Variants in METAP1D observed in about 807,000 individuals in gnomAD.
METAP1D encodes the protein methionyl aminopeptidase type 1D, mitochondrial.
A neutral mutation model predicts 40.5 loss-of-function variants in METAP1D; 31 were observed. The observed-to-expected ratio is 0.77, with a 90% CI of 0.58 to 1.03. The LOEUF is 1.03. Ranked by LOEUF, METAP1D falls within the 50% of genes least tolerant of loss-of-function variation. The pLI, the probability that METAP1D is intolerant of heterozygous loss-of-function variation, is 0.00. For synonymous variants in METAP1D, 151 were observed against 146.4 expected (o/e 1.03, Z -0.22); for missense variants, 411 against 420.7 (o/e 0.98, Z 0.20).
chr2:172,010,577 T>C (rs1688693867), intron 1 of METAP1D, among the ~76,000 whole-genome samples: 1 of 141,154 alleles, frequency 7.1e-6, no homozygotes, highest in African/African-American at 2.6e-5. Flanking sequence ...CACTACAACC[T>C]GTGCCTCCGG....
rs199707728 is a variant in METAP1D, at chr2:172,030,097, TA to T, written c.40+30089del. ...ATTTTATTTTATTTATTTATTTATT[TA>T]TTTTTTTTGAGGCAGAGTTTCACTC... On this transcript the variant is annotated intron_variant, in intron 1 of 9. Transcript: ENST00000315796. 4.6e-3 allele frequency among the ~76,000 whole-genome samples: 685 copies of T among 149,716 alleles called. 7 individuals carry two copies. Among genetic ancestry groups the T allele is most frequent in the Non-Finnish European group, 7.8e-3 (528 of 67,308 alleles).
At position 172,080,655 on chromosome 2, in the gene METAP1D, C is replaced by A; in HGVS notation, c.*249C>A. 1 of 595,086 alleles carries A rather than the reference C, an allele frequency of 1.7e-6. No individual in the cohort carries two copies. Among genetic ancestry groups the A allele is most frequent in the Admixed American group, 3.0e-5 (1 of 33,780 alleles). 36.9% of individuals were successfully genotyped at this position (595,086 alleles called of 1,614,324 possible). ...GGACTCGGTTTCCCAGCGCGGTCAACGCATCTGGAGGGGACTGGAGGAAAC... is the reference window on the plus strand; with the variant it reads ...GGACTCGGTTTCCCAGCGCGGTCAAAGCATCTGGAGGGGACTGGAGGAAAC... On this transcript the variant is annotated 3_prime_UTR_variant, in exon 10 of 10. Coordinates refer to ENST00000315796, the MANE Select transcript of METAP1D (RefSeq NM_199227.3).
At chr2:172,067,906 T>C (rs1380129190) in intron 5 of METAP1D, among the ~76,000 whole-genome samples, 1 of 152,238 alleles carries the variant, frequency 6.6e-6, no homozygotes, top group African/African-American at 2.4e-5. Context: ...AATATTTTAT[T>C]AAGTGAAGGA....
chr2:172,035,157 TG>T lies in METAP1D; in HGVS notation c.41-26340del, dbSNP rs1174211984. Among the ~76,000 whole-genome samples, 282 of 135,856 alleles carry T rather than the reference TG, an allele frequency of 2.1e-3. 2 individuals are homozygous for T. In the East Asian group the frequency reaches 0.056, roughly 27 times the overall value. The allele number at this position is 135,856 out of a possible 152,430, so 89.1% of individuals were successfully genotyped here. A position where few individuals can be genotyped will look rare whatever the true frequency, so the allele number is the denominator to read the frequency against. The stretch of plus-strand genomic sequence containing the variant: ...TAACTACTGTACTGTGTTTTTTTTT[TG>T]TTTGTTTGTTTGTTTGTTTGTTTTG... On this transcript the variant is annotated intron_variant, in intron 1 of 9. Coordinates refer to ENST00000315796, the MANE Select transcript of METAP1D (RefSeq NM_199227.3).
chr2:172,045,529 C>T (rs1322143994), intron 1 of METAP1D, among the ~76,000 whole-genome samples: 3 of 148,426 alleles, frequency 2.0e-5, no homozygotes, highest in East Asian at 2.0e-4. Context: ...GGCGTGGTGG[C>T]GCACGCCTCT....
At chr2:172,030,390 C>T (rs555485483) in intron 1 of METAP1D, among the ~76,000 whole-genome samples, 87 of 152,210 alleles carry the variant, frequency 5.7e-4, no homozygotes, top group Middle Eastern at 3.4e-3. Flanking sequence ...CCACACCTGG[C>T]GTAAGCCTAC....
chr2:172,079,057 G>A, intron 7 of METAP1D, among the ~76,000 whole-genome samples, 158 bp from the exon 8 acceptor site: 1 of 152,100 alleles, frequency 6.6e-6, no homozygotes, highest in Non-Finnish European at 1.5e-5. Flanking sequence ...TTAACTCCTG[G>A]TCACTATCCA....
chr2:172,034,656 T>C (rs985380944), intron 1 of METAP1D, among the ~76,000 whole-genome samples: 12 of 152,216 alleles, frequency 7.9e-5, no homozygotes, highest in African/African-American at 2.9e-4. Flanking sequence ...AGTATGGCTG[T>C]CTACATAGAT....
At chr2:172,068,755 C>T (rs545865332) in intron 5 of METAP1D, among the ~76,000 whole-genome samples, 3 of 152,034 alleles carry the variant, frequency 2.0e-5, no homozygotes, top group African/African-American at 2.4e-5. Context: ...TCAAGTGATC[C>T]GCCCACCTCC....
At chr2:172,018,214 AG>A (rs1384115989) in intron 1 of METAP1D, among the ~76,000 whole-genome samples, 1 of 152,088 alleles carries the variant, frequency 6.6e-6, no homozygotes, top group Non-Finnish European at 1.5e-5. Context: ...TTTCTGGCCA[AG>A]ATGCAACAAA....
chr2:172,058,650 G>T (rs1391936924), intron 1 of METAP1D, among the ~76,000 whole-genome samples: 4 of 152,034 alleles, frequency 2.6e-5, no homozygotes, highest in Admixed American at 2.6e-4. Context: ...AAAGTAGCTG[G>T]GACTACATGT....
Position 172,061,509 on chromosome 2 carries a change from A to G in METAP1D, c.52A>G (p.Ile18Val). The G allele has an allele frequency of 6.2e-7, 1 of 1,610,650 alleles. No individual in the cohort carries two copies. The highest frequency in any genetic ancestry group is 8.5e-7 in the Non-Finnish European group (1 of 1,178,822). ...HLLVRRGSHRIFSSPLNHIYL... is the reference protein window; with the variant it reads ...HLLVRRGSHRVFSSPLNHIYL... ...GTTTCTGCTCACAGGTTCTCATAGA[A>G]TTTTCTCTTCACCACTCAATCATAT... Residue 18 changes from isoleucine (I) to valine (V), a missense_variant, in exon 2 of 10, where the codon ATT becomes GTT. Coordinates refer to ENST00000315796, the MANE Select transcript of METAP1D (RefSeq NM_199227.3).
chr2:172,025,522 G>A (rs1034914268), intron 1 of METAP1D, among the ~76,000 whole-genome samples: 1 of 151,880 alleles, frequency 6.6e-6, no homozygotes, highest in Non-Finnish European at 1.5e-5. Context: ...TAGAGATGGG[G>A]TATCGCCATG....
chr2:172,038,388 A>G (rs952637032), intron 1 of METAP1D, among the ~76,000 whole-genome samples: 17 of 152,078 alleles, frequency 1.1e-4, no homozygotes. Context: ...CTAACTATCC[A>G]TAGCTTAGAT....
chr2:172,058,950 C>T (rs1478965314), intron 1 of METAP1D, among the ~76,000 whole-genome samples: 2 of 152,094 alleles, frequency 1.3e-5, no homozygotes, highest in African/African-American at 4.8e-5. Flanking sequence ...TGTTTCACAG[C>T]TGAAATGTTA....
At chr2:172,006,914 T>G (rs1278512647) in intron 1 of METAP1D, among the ~76,000 whole-genome samples, 2 of 152,218 alleles carry the variant, frequency 1.3e-5, no homozygotes, top group Non-Finnish European at 2.9e-5. Flanking sequence ...GAGCCATTTT[T>G]TTCTTCTTAC....
intron 1 of METAP1D, among the ~76,000 whole-genome samples, chr2:172,011,967 C>T (rs1047057333): frequency 1.3e-5 from 2 of 152,172 alleles, no homozygotes; most frequent in South Asian, 4.1e-4. Flanking sequence ...CACAAGACAA[C>T]GTTTATTAAG....
chr2:172,069,746 A>G (rs1489634991), intron 5 of METAP1D, among the ~76,000 whole-genome samples: 1 of 152,202 alleles, frequency 6.6e-6, no homozygotes, highest in Non-Finnish European at 1.5e-5. Flanking sequence ...GAAGCCAATA[A>G]TCCATCATAT....
chr2:172,068,639 C>CTG (rs1690347935), intron 5 of METAP1D, among the ~76,000 whole-genome samples: 1 of 151,632 alleles, frequency 6.6e-6, no homozygotes, highest in Admixed American at 6.6e-5. Flanking sequence ...TCAGCCTCCC[C>CTG]AGTAACTGAG....
Sources: gnomAD v4.1 joint callset for allele counts (sites outside exome capture counted in the v4.1 genomes callset) on GRCh38, gnomAD v4.1.1 for gene constraint, MANE v1.5 for transcripts, NCBI Gene and HGNC (gene_info 2026-07-23, HGNC 2026-07-21) for gene names.